The following PRH1 variants were observed in gnomAD, a reference collection of about 807,000 sequenced individuals.
The protein encoded by PRH1 is proline rich protein HaeIII subfamily 1, also known as salivary acidic proline-rich phosphoprotein 1/2.
PRH1 carries 7 observed loss-of-function variants against 7.9 expected under a neutral mutation model. The observed-to-expected ratio is 0.89, with a 90% CI of 0.50 to 1.67. PRH1 has a LOEUF of 1.67. PRH1 is among the 40% of genes most tolerant of loss of function. The pLI, the probability that PRH1 is intolerant of heterozygous loss-of-function variation, is 0.00. For synonymous variants in PRH1, 45 were observed against 80.8 expected (o/e 0.56, Z 2.38); for missense variants, 109 against 223.6 (o/e 0.49, Z 3.27).
chr12:10,963,893 C>A (rs1044683), intron 2 of PRH1, among the ~76,000 whole-genome samples: 37,008 of 152,020 alleles, frequency 0.24, 4,560 homozygotes, highest in Non-Finnish European at 0.25. Flanking sequence ...ATTCATTATG[C>A]AACAAAAACT....
chr12:11,165,179 A>C (rs1947536740), intron 1 of PRH1, among the ~76,000 whole-genome samples: 1 of 152,176 alleles, frequency 6.6e-6, no homozygotes, highest in Admixed American at 6.5e-5. Context: ...TTCATAAGAA[A>C]CTATCAAACT....
At chr12:10,887,309 G>C (rs1311017862), upstream of PRH1, among the ~76,000 whole-genome samples, 1 of 152,062 alleles carries the variant, frequency 6.6e-6, no homozygotes, top group Non-Finnish European at 1.5e-5. Flanking sequence ...TTATGAATTG[G>C]CAGAATTATT....
chr12:11,078,073 C>T, intron 1 of PRH1: 1 of 642,038 alleles, frequency 1.6e-6, no homozygotes, highest in South Asian at 1.6e-5. Context: ...CCAGAGTAAA[C>T]CAATTCTGGA....
intron 1 of PRH1, among the ~76,000 whole-genome samples, chr12:11,159,846 A>T (rs1947360782): frequency 6.6e-6 from 1 of 152,226 alleles, no homozygotes; most frequent in African/African-American, 2.4e-5. Context: ...AGAGATCTTC[A>T]TGAAAAAAAT....
At chr12:10,882,732 T>C (rs1291719598) in intron 2 of PRH1, 34 bp from the exon 3 acceptor site, 10 of 1,598,708 alleles carry the variant, frequency 6.3e-6, no homozygotes, top group Non-Finnish European at 8.5e-7. Context: ...GCTGAGCTCA[T>C]GCTGGAAAAC....
rs142394171 is a variant in PRH1, at chr12:10,908,908, G to A, written c.-58-24633C>T. On this transcript the variant is annotated intron_variant, in intron 2 of 3. Transcript: ENST00000539853. ...ACCAAGGTTCCTAGCAGTATCATCA[G>A]AATCACTTTGTTTACTCTCCACTTC... is the stretch of plus-strand genomic sequence containing the variant. 4.6e-3 allele frequency: 7,401 copies of A among 1,612,860 alleles called. 40 individuals are homozygous for A. The highest frequency in any genetic ancestry group is 0.012 in the Middle Eastern group (70 of 6,060).
At chr12:11,159,884 G>A (rs756675838) in intron 1 of PRH1, among the ~76,000 whole-genome samples, 13 of 152,000 alleles carry the variant, frequency 8.6e-5, no homozygotes, top group South Asian at 2.1e-4. Flanking sequence ...TTGTAACTCC[G>A]GTACTAAACC....
chr12:11,132,443 T>C (rs975804687), intron 1 of PRH1, among the ~76,000 whole-genome samples: 1 of 152,180 alleles, frequency 6.6e-6, no homozygotes, highest in African/African-American at 2.4e-5. Context: ...GGCTTAGAAG[T>C]GCTTTAGAAA....
At chr12:11,107,046 G>A (rs554218259) in intron 1 of PRH1, among the ~76,000 whole-genome samples, 14 of 152,212 alleles carry the variant, frequency 9.2e-5, no homozygotes, top group African/African-American at 2.9e-4. Context: ...GGTCTTACTC[G>A]TCACCCAGGC....
chr12:10,946,698 T>C (rs1950492650), intron 2 of PRH1, among the ~76,000 whole-genome samples: 1 of 152,194 alleles, frequency 6.6e-6, no homozygotes, highest in African/African-American at 2.4e-5. Context: ...TGATTTGTTC[T>C]TTTTTCTCTA....
intron 2 of PRH1, among the ~76,000 whole-genome samples, chr12:10,957,279 A>G (rs756098077): frequency 1.3e-5 from 2 of 152,136 alleles, no homozygotes; most frequent in African/African-American, 2.4e-5. Flanking sequence ...CAACCATCTA[A>G]TCTTCAACAA....
chr12:11,140,390 T>C lies in PRH1; in HGVS notation n.40-19210A>G, dbSNP rs74062443. Among the ~76,000 whole-genome samples, 1,442 of 152,292 alleles carry C rather than the reference T, an allele frequency of 9.5e-3. 21 individuals carry two copies. The highest frequency in any genetic ancestry group is 0.033 in the African/African-American group (1,356 of 41,570). ...AAAATGAATGGTAGTAAATTTATCA[T>C]GTCTGAATGTTTTAAAAAGTAGGCC... On this transcript the variant is annotated intron_variant and non_coding_transcript_variant, in intron 1 of 1. Coordinates refer to the PRH1 transcript ENST00000541175.
At chr12:10,947,400 T>G (rs111616473) in intron 2 of PRH1, among the ~76,000 whole-genome samples, 1 of 152,074 alleles carries the variant, frequency 6.6e-6, no homozygotes, top group Non-Finnish European at 1.5e-5. Context: ...GTCTTTTTTT[T>G]AAAAAACTTT....
At chr12:11,044,237 C>A (rs551349545) in intron 1 of PRH1, among the ~76,000 whole-genome samples, 364 of 152,194 alleles carry the variant, frequency 2.4e-3, no homozygotes, top group Middle Eastern at 0.01. Context: ...CTGAATATCC[C>A]TATGCAGAAG....
At chr12:11,154,400 T>C (rs1274996765) in intron 1 of PRH1, among the ~76,000 whole-genome samples, 1 of 152,212 alleles carries the variant, frequency 6.6e-6, no homozygotes, top group Non-Finnish European at 1.5e-5. Context: ...ATACCAAGTA[T>C]GAGACCCAAA....
At chr12:10,914,720 C>G (rs1171128831) in intron 2 of PRH1, among the ~76,000 whole-genome samples, 1 of 152,078 alleles carries the variant, frequency 6.6e-6, no homozygotes, top group Non-Finnish European at 1.5e-5. Context: ...TACTACTTTG[C>G]AAGCAGGAAA....
chr12:11,003,101 G>T (rs1940669450), intron 1 of PRH1, among the ~76,000 whole-genome samples: 1 of 151,768 alleles, frequency 6.6e-6, no homozygotes, highest in Admixed American at 6.6e-5. Flanking sequence ...TTAAGAATGT[G>T]GATGTACACT....
In PRH1 at chr12:11,038,513, T is replaced by C. The variant is rs1325777149; in HGVS notation, c.-126+8507A>G. Reference sequence around the variant, plus strand: ...TGTAAATGAGATTATACTAAATGTATTTTTCCATCTTGATAATTCTTCTCA... The same window carrying C: ...TGTAAATGAGATTATACTAAATGTACTTTTCCATCTTGATAATTCTTCTCA... On this transcript the variant is annotated intron_variant, in intron 1 of 3. Coordinates refer to the PRH1 transcript ENST00000539853. 7.2e-5 allele frequency among the ~76,000 whole-genome samples: 11 copies of C among 152,380 alleles called. No homozygotes were observed. The East Asian group carries it at 2.1e-3, about 29-fold the overall frequency.
intron 2 of PRH1, among the ~76,000 whole-genome samples, chr12:10,968,902 G>A (rs1339266421): frequency 6.6e-6 from 1 of 152,252 alleles, no homozygotes; most frequent in East Asian, 1.9e-4. Context: ...CGTCTTAAGT[G>A]TTAGTAGCTC....
Sources: allele counts gnomAD v4.1 joint callset (sites outside exome capture counted in the v4.1 genomes callset), GRCh38; gene constraint gnomAD v4.1.1; transcripts MANE v1.5; gene names NCBI Gene and HGNC (gene_info 2026-07-23, HGNC 2026-07-21).